The following GEMIN4 variants were observed in gnomAD, a reference collection of about 807,000 sequenced individuals.
GEMIN4 encodes the protein gem-associated protein 4.
A neutral mutation model predicts 76.8 loss-of-function variants in GEMIN4; 59 were observed. The observed-to-expected ratio is 0.77, with a 90% CI of 0.62 to 0.95. GEMIN4 has a LOEUF of 0.95. Among genes scored for constraint, GEMIN4 ranks in the 40% least tolerant of loss-of-function variants. GEMIN4 has a pLI of 0.00. For missense variants in GEMIN4, 1,311 were observed against 1,318.9 expected, an observed-to-expected ratio of 0.99 and a Z score of 0.09; for synonymous variants, 562 against 559.7, an observed-to-expected ratio of 1.00 and a Z score of -0.06.
chr17:746,267 T>C lies in GEMIN4; in HGVS notation c.1776A>G (p.Glu592=). Residue 592 remains glutamate, a synonymous_variant, in exon 2 of 2, where the codon GAA becomes GAG. Coordinates refer to ENST00000319004, the MANE Select transcript of GEMIN4 (RefSeq NM_015721.3). This position sits in a 1 kb window ranked among gnomAD's most constrained non-coding sequence, Gnocchi z 4.3. The part of the protein sequence containing the change: ...LTAFPALRFV[E]EQGPNSSATF... ...TGGCAGATGAATTGGGACCCTGCTC[T>C]TCCACAAACCTAAGGGCAGGGAAGG... 2.5e-6 allele frequency: 4 copies of C among 1,613,792 alleles called. No individual in the cohort carries two copies. The highest frequency in any genetic ancestry group is 3.4e-6 in the Non-Finnish European group (4 of 1,179,890).
In GEMIN4 at chr17:747,294, AAC is replaced by A. The variant is rs780584393; in HGVS notation, c.747_748del (p.Phe250CysfsTer61). On this transcript the variant is annotated frameshift_variant, in exon 2 of 2. Transcript: ENST00000319004. LOFTEE classifies it high-confidence loss of function. ...CTGGGGGTCGTCCTCTGTCAGCGCAAACACAGTCAGCATGTCAGCCAGGTTGG... is the reference window on the plus strand; with the variant it reads ...CTGGGGGTCGTCCTCTGTCAGCGCAAACAGTCAGCATGTCAGCCAGGTTGG... 16 of 1,613,658 alleles carry A rather than the reference AAC, an allele frequency of 9.9e-6. No individual in the cohort carries two copies. Among genetic ancestry groups the A allele is most frequent in the South Asian group, 7.7e-5 (7 of 91,080 alleles).
upstream of GEMIN4, chr17:752,522 C>T: frequency 2.2e-6 from 1 of 450,288 alleles, no homozygotes; most frequent in Non-Finnish European, 3.3e-6. Context: ...GCACACAGTT[C>T]ACCCCCACCG....
rs1207017890 is a variant in GEMIN4 at position 747,533 on chromosome 17, G to A, written c.510C>T (p.His170=). 2 of 1,613,820 alleles carry A rather than the reference G, an allele frequency of 1.2e-6. No homozygotes were observed. The highest frequency in any genetic ancestry group is 1.7e-6 in the Non-Finnish European group (2 of 1,179,876). ...FLDVWWEVMK[H]KGHPQDPLLS... The stretch of plus-strand genomic sequence containing the variant: ...GCAGGGGGTCCTGCGGGTGACCCTT[G>A]TGCTTCATCACCTCCCACCAGACGT... Residue 170 remains histidine (H), a synonymous_variant, in exon 2 of 2, where the codon CAC becomes CAT. Coordinates refer to ENST00000319004, the MANE Select transcript of GEMIN4 (RefSeq NM_015721.3).
At position 747,392 on chromosome 17, in the gene GEMIN4, G is replaced by A. The variant is rs756158071; in HGVS notation, c.651C>T (p.Ala217=). Residue 217 remains alanine, a synonymous_variant, in exon 2 of 2, where the codon GCC becomes GCT. Transcript: ENST00000319004. ...PDACPTMPLL[A]MLLRGLTQIQ... ...TCTGTGTCAGCCCGCGGAGCAGCAT[G>A]GCCAACAGGGGCATGGTGGGGCACG... is the stretch of plus-strand genomic sequence containing the variant. The A allele has an allele frequency of 6.2e-7, 1 of 1,613,700 alleles. No homozygotes were observed. Among genetic ancestry groups the A allele is most frequent in the Non-Finnish European group, 8.5e-7 (1 of 1,179,888 alleles).
chr17:750,030 TG>T lies in GEMIN4; in HGVS notation c.11-1999del, dbSNP rs1904580265. 7 of 970,514 alleles carry T rather than the reference TG, an allele frequency of 7.2e-6. No homozygotes were observed. In the African/African-American group the frequency reaches 1.2e-4, roughly 17 times the overall value. The allele number at this position is 970,514 out of a possible 1,614,324, so 60.1% of individuals were successfully genotyped here. A position where few individuals can be genotyped will look rare whatever the true frequency, so the allele number is the denominator to read the frequency against. On this transcript the variant is annotated intron_variant, in intron 1 of 1. Coordinates refer to ENST00000319004, the MANE Select transcript of GEMIN4 (RefSeq NM_015721.3). Reference sequence around the variant, plus strand: ...ACATCTTGGGATGTTTAATCAGACATGGGTTTAAATCCTAGTTCAGCCATTT... The same window carrying T: ...ACATCTTGGGATGTTTAATCAGACATGGTTTAAATCCTAGTTCAGCCATTT...
At position 745,559 on chromosome 17, in the gene GEMIN4, G is replaced by A. The variant is rs1231914871; in HGVS notation, c.2484C>T (p.Ile828=). The change falls in exon 2 of 2, where the codon ATC becomes ATT. Residue 828 remains isoleucine, a synonymous_variant. Transcript: ENST00000319004. The surrounding 1 kb of genome is among the most constrained non-coding windows in gnomAD (Gnocchi z 4.6). ...CCAAGAGAGACAGCATCCTCTCCGA[G>A]ATGCCGCTGGAGACGCAGCAGCACT... ...WMECCCVSSG[I]SERMLSLLVV... The A allele has an allele frequency of 6.2e-6, 10 of 1,612,484 alleles. No individual in the cohort carries two copies. Among genetic ancestry groups the A allele is most frequent in the Admixed American group, 1.7e-5 (1 of 59,930 alleles).
Position 747,115 on chromosome 17 carries a change from TG to T in GEMIN4, c.927del (p.Ser310ValfsTer43). On this transcript the variant is annotated frameshift_variant, in exon 2 of 2. Coordinates refer to ENST00000319004, the MANE Select transcript of GEMIN4 (RefSeq NM_015721.3). LOFTEE classifies it high-confidence loss of function. ...DVSLTSLAKL[P>X]SETIFVGCEF... is the part of the protein sequence containing the mutation. ...TCGCAGCCCACGAAAATGGTCTCAC[TG>T]GGGAGTTTGGCCAGCGAGGTCAGGC... is the stretch of plus-strand genomic sequence containing the variant. 1 of 1,613,768 alleles carries T rather than the reference TG, an allele frequency of 6.2e-7. No individual in the cohort carries two copies. Among genetic ancestry groups the T allele is most frequent in the Non-Finnish European group, 8.5e-7 (1 of 1,179,876 alleles).
intron 1 of GEMIN4, chr17:751,812 C>A (rs1904712344): frequency 8.6e-6 from 3 of 347,472 alleles, no homozygotes; most frequent in African/African-American, 4.2e-5. Context: ...GCCGTCGGGG[C>A]GCCCAGGGGT....
In GEMIN4 at chr17:745,336, T is replaced by C. The variant is rs1192416848; in HGVS notation, c.2707A>G (p.Lys903Glu). 2 of 1,612,778 alleles carry C rather than the reference T, an allele frequency of 1.2e-6. No individual in the cohort carries two copies. ...AGTTGCAACTCCTGGGCAAAGGGCT[T>C]CAGGTTGAGCAGGGGAACAAACTGA... The part of the protein sequence containing the change: ...YIQFVPLLNL[K>E]PFAQELQLSV... Residue 903 changes from lysine to glutamate, a missense_variant, in exon 2 of 2, where the codon AAG becomes GAG. Physicochemically the swap from Lys to Glu is moderately conservative, Grantham distance 56. Transcript: ENST00000319004. The surrounding 1 kb of genome is among the most constrained non-coding windows in gnomAD (Gnocchi z 4.6).
intron 1 of GEMIN4, chr17:749,908 C>T (rs1904572701): frequency 1.0e-6 from 1 of 987,682 alleles, no homozygotes; most frequent in South Asian, 4.6e-5. Flanking sequence ...ATGGCCCTAG[C>T]TCTGTGGGAG....
Position 746,535 on chromosome 17 carries a change from A to G in GEMIN4, c.1508T>C (p.Leu503Pro). 1 of 1,613,908 alleles carries G rather than the reference A, an allele frequency of 6.2e-7. No homozygotes were observed. Among genetic ancestry groups the G allele is most frequent in the East Asian group, 2.2e-5 (1 of 44,884 alleles). The stretch of plus-strand genomic sequence containing the variant: ...GAGGCCCTTTCGCCCCCAGGAACGC[A>G]GGATACCTGCAAGGACTTTATTTTT... Reference protein sequence around the residue: ...PGKNKVLAGILRSWGRKGLSE... With the variant: ...PGKNKVLAGIPRSWGRKGLSE... The change falls in exon 2 of 2, where the codon CTG (leucine) becomes CCG (proline). Residue 503 changes from leucine to proline, a missense_variant. Leu to Pro is a moderately conservative substitution (Grantham distance 98). Transcript: ENST00000319004. The surrounding 1 kb of genome is among the most constrained non-coding windows in gnomAD (Gnocchi z 4.3).
rs752849227 is a variant in GEMIN4 at position 745,341 on chromosome 17, T to G, written c.2702A>C (p.Asn901Thr). ...CAACTCCTGGGCAAAGGGCTTCAGG[T>G]TGAGCAGGGGAACAAACTGAATATA... ...LEYIQFVPLL[N>T]LKPFAQELQL... Residue 901 changes from asparagine (N) to threonine (T), a missense_variant, in exon 2 of 2, where the codon AAC (asparagine) becomes ACC (threonine). Physicochemically the swap from Asn to Thr is moderately conservative, Grantham distance 65 (BLOSUM62 0). Transcript: ENST00000319004. This position sits in a 1 kb window ranked among gnomAD's most constrained non-coding sequence, Gnocchi z 4.6. 2 of 1,612,742 alleles carry G rather than the reference T, an allele frequency of 1.2e-6. No individual in the cohort carries two copies. Among genetic ancestry groups the G allele is most frequent in the Non-Finnish European group, 8.5e-7 (1 of 1,179,796 alleles).
rs1393145060 is a variant in GEMIN4, at chr17:745,814, A to G, written c.2229T>C (p.Asn743=). The part of the protein sequence containing the change: ...LELLCEIVSA[N]AETFSPDVWI... ...AGACATCCGGGGAGAAGGTCTCAGCATTGGCTGATACAATCTCACACAGGA... is the reference window on the plus strand; with the variant it reads ...AGACATCCGGGGAGAAGGTCTCAGCGTTGGCTGATACAATCTCACACAGGA... Residue 743 remains asparagine (N), a synonymous_variant, in exon 2 of 2, where the codon AAT becomes AAC. Coordinates refer to ENST00000319004, the MANE Select transcript of GEMIN4 (RefSeq NM_015721.3). The surrounding 1 kb of genome is among the most constrained non-coding windows in gnomAD (Gnocchi z 4.6). The G allele has an allele frequency of 1.2e-6, 2 of 1,613,122 alleles. No individual in the cohort carries two copies. The highest frequency in any genetic ancestry group is 1.7e-6 in the Non-Finnish European group (2 of 1,179,782).
At position 746,235 on chromosome 17, in the gene GEMIN4, A is replaced by T; in HGVS notation, c.1808T>A (p.Met603Lys). ...EQGPNSSATF[M>K]VSCLKETVWM... The stretch of plus-strand genomic sequence containing the variant: ...GACGGTTTCTTTGAGGCATGACACC[A>T]TGAAAGTGGCAGATGAATTGGGACC... Residue 603 changes from methionine (M) to lysine (K), a missense_variant, in exon 2 of 2, where the codon ATG (methionine) becomes AAG (lysine). Met to Lys is a moderately conservative substitution (Grantham distance 95, BLOSUM62 -1). This residue lies in a region of GEMIN4 where 1,208 missense variants were observed against 1,166.9 expected (regional missense o/e 1.04). Transcript: ENST00000319004. This position sits in a 1 kb window ranked among gnomAD's most constrained non-coding sequence, Gnocchi z 4.3. The T allele has an allele frequency of 6.2e-7, 1 of 1,613,778 alleles. No homozygotes were observed. The highest frequency in any genetic ancestry group is 1.1e-5 in the South Asian group (1 of 91,076).
In GEMIN4 at chr17:747,453, G is replaced by T; in HGVS notation, c.590C>A (p.Pro197His). ...TGACCTAAGCCTCTTTGGAGGATGG[G>T]GGAACTCATCTAAGGCAGGCAGGTA... Reference protein sequence around the residue: ...HKYLPALDEFPHPPKRLRSDP... With the variant: ...HKYLPALDEFHHPPKRLRSDP... Residue 197 changes from proline to histidine, a missense_variant, in exon 2 of 2, where the codon CCC (proline) becomes CAC (histidine). Physicochemically the swap from Pro to His is moderately conservative, Grantham distance 77. Around this residue, in one of 2 missense-constraint regions of GEMIN4, gnomAD observed 1,208 missense variants for 1,166.9 expected, o/e 1.04. Transcript: ENST00000319004. 6 of 1,613,890 alleles carry T rather than the reference G, an allele frequency of 3.7e-6. No homozygotes were observed. The highest frequency in any genetic ancestry group is 1.3e-5 in the African/African-American group (1 of 75,034).
chr17:746,597 C>G lies in GEMIN4; in HGVS notation c.1446G>C (p.Leu482=). ...PESQIRQVIH[L]ILECYADLSL... ...AGAGGTCTGCGTAACATTCCAGGAT[C>G]AGGTGGATCACCTGCCGGATCTGAG... is the stretch of plus-strand genomic sequence containing the variant. The change falls in exon 2 of 2, where the codon CTG becomes CTC. Residue 482 remains leucine, a synonymous_variant. Transcript: ENST00000319004. The surrounding 1 kb of genome is among the most constrained non-coding windows in gnomAD (Gnocchi z 4.3). The G allele has an allele frequency of 6.2e-7, 1 of 1,613,624 alleles. No homozygotes were observed.
Position 746,916 on chromosome 17 carries a change from A to C in GEMIN4, c.1127T>G (p.Val376Gly), listed in dbSNP as rs182380523. The C allele has an allele frequency of 6.2e-7, 1 of 1,613,590 alleles. No homozygotes were observed. The highest frequency in any genetic ancestry group is 8.5e-7 in the Non-Finnish European group (1 of 1,179,774). The change falls in exon 2 of 2, where the codon GTC becomes GGC. Residue 376 changes from valine to glycine, a missense_variant. Coordinates refer to ENST00000319004, the MANE Select transcript of GEMIN4 (RefSeq NM_015721.3). The surrounding 1 kb of genome is among the most constrained non-coding windows in gnomAD (Gnocchi z 4.3). The stretch of plus-strand genomic sequence containing the variant: ...CCTGACACACTCCGCCAGCTCAGAG[A>C]CCACCTGCCTGTCCTCCTTGGACAG... ...TSLSKEDRQV[V>G]SELAECVRDF...
intron 1 of GEMIN4, chr17:750,017 G>A: frequency 1.2e-5 from 12 of 981,188 alleles, no homozygotes; most frequent in Non-Finnish European, 1.3e-5. Context: ...ATCTTGGGAT[G>A]TTTAATCAGA....
In GEMIN4 at chr17:747,746, C is replaced by A. The variant is rs370552236; in HGVS notation, c.297G>T (p.Ser99=). 1 of 1,613,692 alleles carries A rather than the reference C, an allele frequency of 6.2e-7. No homozygotes were observed. The highest frequency in any genetic ancestry group is 1.7e-5 in the Admixed American group (1 of 59,988). Residue 99 remains serine, a synonymous_variant, in exon 2 of 2, where the codon TCG becomes TCT. Transcript: ENST00000319004. The stretch of plus-strand genomic sequence containing the variant: ...TGATGGTGGGGATCATGTTGCCCAC[C>A]GAGAAGAACAGGTCTTCCTGCCACC... The part of the protein sequence containing the change: ...ETRWQEDLFF[S]VGNMIPTINH...
Sources: allele counts gnomAD v4.1 joint callset, GRCh38; gene constraint gnomAD v4.1.1; regional missense constraint gnomAD v4.1.1; non-coding constraint Gnocchi (gnomAD v3.1); transcripts MANE v1.5; gene names NCBI Gene and HGNC (gene_info 2026-07-23, HGNC 2026-07-21).